Variants in ZNF324 observed in about 807,000 individuals in gnomAD.
ZNF324 encodes the protein zinc finger protein 324, also known as zinc finger protein 324A.
ZNF324 carries 3 observed loss-of-function variants against 10.3 expected under a neutral mutation model. The ratio of observed to expected loss-of-function variants is 0.29; its 90% CI spans 0.13 to 0.75. ZNF324 has a LOEUF of 0.75. Ranked by LOEUF, ZNF324 falls within the 30% of genes least tolerant of loss-of-function variation. ZNF324 has a pLI of 0.69. For synonymous variants in ZNF324, 430 were observed against 339.5 expected (o/e 1.27, Z -2.93); for missense variants, 763 against 784.4 (o/e 0.97, Z 0.33).
At position 58,471,692 on chromosome 19, in the gene ZNF324, G is replaced by A. The variant is rs751326737; in HGVS notation, c.1200G>A (p.Ala400=). 9.9e-6 allele frequency: 16 copies of A among 1,612,562 alleles called. No homozygotes were observed. Among genetic ancestry groups the A allele is most frequent in the Non-Finnish European group, 1.4e-5 (16 of 1,179,570 alleles). ...CAGGCGAGAAGCCCTTCGTGTGCGC[G>A]CTCTGCGGTGCTGCCTTCAGCCAGG... is the stretch of plus-strand genomic sequence containing the variant. ...THTGEKPFVC[A]LCGAAFSQGS... is the part of the protein sequence containing the mutation. Residue 400 remains alanine (A), a synonymous_variant, in exon 4 of 4, where the codon GCG becomes GCA. Transcript: ENST00000196482.
At chr19:58,469,392 G>C (rs73578717) in intron 2 of ZNF324, 86 bp downstream of exon 2, 1 of 1,546,876 alleles carries the variant, frequency 6.5e-7, no homozygotes, top group Non-Finnish European at 8.8e-7. Context: ...GGTGGCTGAC[G>C]AGCAGGCCTA....
In ZNF324 at chr19:58,474,537, C is replaced by G. The variant is rs1358445499; in HGVS notation, c.*2383C>G. On this transcript the variant is annotated 3_prime_UTR_variant, in exon 4 of 4. Transcript: ENST00000196482. ...TTTGTCCACCCTCCTCCAATCTTCC[C>G]CTCCCCAAACCCATGACTGATCAGT... The G allele has an allele frequency of 6.6e-6, 1 of 152,078 alleles. No homozygotes were observed. Among genetic ancestry groups the G allele is most frequent in the Non-Finnish European group, 1.5e-5 (1 of 68,054 alleles). The allele number at this position is 152,078 out of a possible 1,614,324, so 9.4% of individuals were successfully genotyped here.
At position 58,473,544 on chromosome 19, in the gene ZNF324, C is replaced by A. The variant is rs1600002434; in HGVS notation, c.*1390C>A. On this transcript the variant is annotated 3_prime_UTR_variant, in exon 4 of 4. Transcript: ENST00000196482. ...GCATGGTTCAGTCTTAATAGCAGTT[C>A]AAGAGCTTCTCTGATAAAGGTTTCT... 1 of 152,090 alleles carries A rather than the reference C, an allele frequency of 6.6e-6. No homozygotes were observed. The highest frequency in any genetic ancestry group is 2.4e-5 in the African/African-American group (1 of 41,406). 9.4% of individuals were successfully genotyped at this position (152,090 alleles called of 1,614,324 possible).
chr19:58,472,659 A>G lies in ZNF324; in HGVS notation c.*505A>G, dbSNP rs147160818. ...CCAGCCTAGCAGACAAGAGACCACA[A>G]GGGACTGGGGATCAGGGTCTGGGCT... On this transcript the variant is annotated 3_prime_UTR_variant, in exon 4 of 4. Transcript: ENST00000196482. 1,226 of 155,848 alleles carry G rather than the reference A, an allele frequency of 7.9e-3. 69 individuals are homozygous for G. Among genetic ancestry groups the G allele is most frequent in the Admixed American group, 0.066 (1,042 of 15,860 alleles). The allele number at this position is 155,848 out of a possible 1,614,324, so 9.7% of individuals were successfully genotyped here.
chr19:58,469,287 C>T lies in ZNF324; in HGVS notation c.102C>T (p.Phe34=), dbSNP rs147573504. 2.9e-5 allele frequency: 47 copies of T among 1,614,136 alleles called. No individual in the cohort carries two copies. The highest frequency in any genetic ancestry group is 1.6e-4 in the Middle Eastern group (1 of 6,062). The part of the protein sequence containing the change: ...ALYRRVMLDN[F]ALVASLGLST... ...ACCGCCGCGTGATGCTAGACAACTT[C>T]GCACTTGTGGCCTCGCTGGGTAAGG... The change falls in exon 2 of 4, where the codon TTC becomes TTT. Residue 34 remains phenylalanine, a synonymous_variant. Transcript: ENST00000196482.
chr19:58,471,765 T>C lies in ZNF324; in HGVS notation c.1273T>C (p.Phe425Leu). 1 of 1,612,962 alleles carries C rather than the reference T, an allele frequency of 6.2e-7. No homozygotes were observed. Among genetic ancestry groups the C allele is most frequent in the Non-Finnish European group, 8.5e-7 (1 of 1,179,766 alleles). The change falls in exon 4 of 4, where the codon TTC (phenylalanine) becomes CTC (leucine). Residue 425 changes from phenylalanine to leucine, a missense_variant. Physicochemically the swap from Phe to Leu is conservative, Grantham distance 22. Transcript: ENST00000196482. ...HQRVHTGEKPFACPQCGRAFS... is the reference protein window; with the variant it reads ...HQRVHTGEKPLACPQCGRAFS... ...GCGCGTGCACACAGGCGAGAAGCCCTTCGCCTGCCCACAGTGCGGCCGCGC... is the reference window on the plus strand; with the variant it reads ...GCGCGTGCACACAGGCGAGAAGCCCCTCGCCTGCCCACAGTGCGGCCGCGC...
Position 58,472,367 on chromosome 19 carries a change from A to C in ZNF324, c.*213A>C. ...TCCCCAAAGAGGTAGCACTGCAGCA[A>C]CATCAGGGGGAGGACGTGGTGGCTG... On this transcript the variant is annotated 3_prime_UTR_variant, in exon 4 of 4. Transcript: ENST00000196482. 1 of 578,680 alleles carries C rather than the reference A, an allele frequency of 1.7e-6. No homozygotes were observed. The allele number at this position is 578,680 out of a possible 1,614,324, so 35.8% of individuals were successfully genotyped here.
At chr19:58,467,619 T>C (rs989502638) in intron 1 of ZNF324, 5 of 152,308 alleles carry the variant, frequency 3.3e-5, no homozygotes, top group Non-Finnish European at 7.3e-5. Flanking sequence ...CTGGGGGGGT[T>C]GCGGGGGTCA....
In ZNF324 at chr19:58,471,165, G is replaced by T; in HGVS notation, c.673G>T (p.Gly225Cys). 3 of 1,613,814 alleles carry T rather than the reference G, an allele frequency of 1.9e-6. No homozygotes were observed. The highest frequency in any genetic ancestry group is 2.5e-6 in the Non-Finnish European group (3 of 1,180,028). ...CGGCGGTCGGGGACATCACCGAATG[G>T]GTGCAGTTTGGCAGGAGCCTCATAG... ...AAGGRGHHRM[G>C]AVWQEPHRLL... The change falls in exon 4 of 4, where the codon GGT (glycine) becomes TGT (cysteine). Residue 225 changes from glycine to cysteine, a missense_variant. By Grantham distance (159) the Gly-to-Cys change is radical. This residue lies in a region of ZNF324 where 379 missense variants were observed against 319.4 expected (regional missense o/e 1.19). Coordinates refer to ENST00000196482, the MANE Select transcript of ZNF324 (RefSeq NM_014347.3).
In ZNF324 at chr19:58,472,273, C is replaced by A. The variant is rs1010425429; in HGVS notation, c.*119C>A. The A allele has an allele frequency of 4.4e-6, 5 of 1,138,664 alleles. No homozygotes were observed. The Admixed American group carries it at 1.5e-4, about 33-fold the overall frequency. The allele number at this position is 1,138,664 out of a possible 1,614,324, so 70.5% of individuals were successfully genotyped here. A position where few individuals can be genotyped will look rare whatever the true frequency, so the allele number is the denominator to read the frequency against. ...GCTTGCTAGTCAGGGACAAGGGAGG[C>A]CCTTTGGCTGTGATTTCATTTGCAC... On this transcript the variant is annotated 3_prime_UTR_variant, in exon 4 of 4. Transcript: ENST00000196482.
intron 1 of ZNF324, chr19:58,467,537 TCA>T (rs1028440177): frequency 1.3e-5 from 2 of 152,366 alleles, no homozygotes; most frequent in Admixed American, 1.3e-4. Flanking sequence ...GAGTCCCTGC[TCA>T]CACAGACCGC....
Position 58,470,866 on chromosome 19 carries a change from A to C in ZNF324, c.374A>C (p.Gln125Pro). Residue 125 changes from glutamine to proline, a missense_variant, in exon 4 of 4, where the codon CAA becomes CCA. Gln to Pro is a moderately conservative substitution (Grantham distance 76). Coordinates refer to ENST00000196482, the MANE Select transcript of ZNF324 (RefSeq NM_014347.3). The stretch of plus-strand genomic sequence containing the variant: ...CACAGTGTAAAAAGCCTGCAGAGAC[A>C]ACGGGGTGCCTCCCCATCTCGGGAG... ...ACHSVKSLQR[Q>P]RGASPSRERK... 6.2e-7 allele frequency: 1 copy of C among 1,614,192 alleles called. No individual in the cohort carries two copies. The highest frequency in any genetic ancestry group is 8.5e-7 in the Non-Finnish European group (1 of 1,180,032).
chr19:58,470,595 C>A, intron 3 of ZNF324, 136 bp from the exon 4 acceptor site: 1 of 1,089,748 alleles, frequency 9.2e-7, no homozygotes, highest in Non-Finnish European at 1.4e-6. Context: ...GCCCCTCCTG[C>A]AGGGCCAGCC....
chr19:58,471,982 TC>T lies in ZNF324; in HGVS notation c.1492del (p.His498ThrfsTer67). 1 of 1,608,902 alleles carries T rather than the reference TC, an allele frequency of 6.2e-7. No individual in the cohort carries two copies. The highest frequency in any genetic ancestry group is 8.5e-7 in the Non-Finnish European group (1 of 1,179,566). On this transcript the variant is annotated frameshift_variant, in exon 4 of 4. Coordinates refer to ENST00000196482, the MANE Select transcript of ZNF324 (RefSeq NM_014347.3). LOFTEE classifies it low-confidence loss of function (END_TRUNC). ...GRAFRERPAL[F>X]HHQRIHTGEK... ...GCCTTCCGTGAGCGCCCGGCCCTCT[TC>T]CACCACCAGAGGATCCATACCGGCG...
At chr19:58,470,579 AC>A in intron 3 of ZNF324, 151 bp from the exon 4 acceptor site, 1 of 926,244 alleles carries the variant, frequency 1.1e-6, no homozygotes, top group Non-Finnish European at 1.7e-6. Flanking sequence ...GTTCCTCCAA[AC>A]CCCAGCCCCT....
chr19:58,471,948 T>G lies in ZNF324; in HGVS notation c.1456T>G (p.Cys486Gly), dbSNP rs1191594480. The G allele has an allele frequency of 1.2e-6, 2 of 1,609,726 alleles. No homozygotes were observed. The highest frequency in any genetic ancestry group is 3.3e-5 in the Admixed American group (2 of 59,970). The part of the protein sequence containing the change: ...TGEKPFVCTQ[C>G]GRAFRERPAL... ...CGAGAAGCCCTTCGTGTGTACGCAG[T>G]GTGGCCGCGCCTTCCGTGAGCGCCC... The change falls in exon 4 of 4, where the codon TGT (cysteine) becomes GGT (glycine). Residue 486 changes from cysteine to glycine, a missense_variant. By Grantham distance (159) the Cys-to-Gly change is radical. Transcript: ENST00000196482.
In ZNF324 at chr19:58,472,140, C is replaced by G. The variant is rs751594468; in HGVS notation, c.1648C>G (p.Pro550Ala). 6.3e-7 allele frequency: 1 copy of G among 1,581,300 alleles called. No individual in the cohort carries two copies. The highest frequency in any genetic ancestry group is 1.7e-5 in the Admixed American group (1 of 58,908). ...PASGPAAVSQ[P>A]AEV Reference sequence around the variant, plus strand: ...CTCGGGCCCAGCCGCCGTCTCGCAGCCAGCGGAGGTCTGAGGTCACAGGTT... The same window carrying G: ...CTCGGGCCCAGCCGCCGTCTCGCAGGCAGCGGAGGTCTGAGGTCACAGGTT... Residue 550 changes from proline to alanine, a missense_variant, in exon 4 of 4, where the codon CCA becomes GCA. Coordinates refer to ENST00000196482, the MANE Select transcript of ZNF324 (RefSeq NM_014347.3).
chr19:58,470,698 T>C (rs1489623927), intron 3 of ZNF324, 33 bp from the exon 4 acceptor site: 1 of 1,613,684 alleles, frequency 6.2e-7, no homozygotes, highest in African/African-American at 1.3e-5. Context: ...CTAACCAGGA[T>C]GCCCCAGGCA....
Position 58,475,382 on chromosome 19 carries a change from G to A in ZNF324, c.*3228G>A, listed in dbSNP as rs1458292849. ...ATTGGGAGAAACTAGTGTCACCCTG[G>A]CTAGTTCTGCTCCCCAAATTCAAAG... is the stretch of plus-strand genomic sequence containing the variant. On this transcript the variant is annotated 3_prime_UTR_variant, in exon 4 of 4. Coordinates refer to ENST00000196482, the MANE Select transcript of ZNF324 (RefSeq NM_014347.3). 1.3e-5 allele frequency: 2 copies of A among 152,304 alleles called. No individual in the cohort carries two copies. The highest frequency in any genetic ancestry group is 4.1e-4 in the South Asian group (2 of 4,824). The allele number at this position is 152,304 out of a possible 1,614,324, so 9.4% of individuals were successfully genotyped here. A position where few individuals can be genotyped will look rare whatever the true frequency, so the allele number is the denominator to read the frequency against.
Sources: allele counts gnomAD v4.1 joint callset, GRCh38; gene constraint gnomAD v4.1.1; regional missense constraint gnomAD v4.1.1; transcripts MANE v1.5; gene names NCBI Gene and HGNC (gene_info 2026-07-23, HGNC 2026-07-21).